The following UNC13C variants were observed in gnomAD, a reference collection of about 807,000 sequenced individuals.
UNC13C encodes unc-13 homolog C.
UNC13C carries 174 observed loss-of-function variants against 245.4 expected under a neutral mutation model. The observed-to-expected ratio is 0.71, with a 90% CI of 0.63 to 0.80. The LOEUF (loss-of-function observed/expected upper bound fraction) is 0.80, where lower values mean the gene tolerates loss of function less well. UNC13C is among the 30% of genes least tolerant of loss of function. The probability of loss-of-function intolerance (pLI) is 0.00; values close to 1 mark genes in which losing one functional copy is unlikely to be tolerated. For synonymous variants in UNC13C, 992 were observed against 895.1 expected (o/e 1.11, Z -1.93); for missense variants, 2,829 against 2,602.9 (o/e 1.09, Z -1.89).
chr15:54,124,163 A>G (rs149644106), intron 2 of UNC13C, among the ~76,000 whole-genome samples: 32 of 152,302 alleles, frequency 2.1e-4, no homozygotes, highest in African/African-American at 7.5e-4. Flanking sequence ...GATTAATCAT[A>G]TGTAGATTTT....
chr15:53,910,202 T>G, the UNC13C span, among the ~76,000 whole-genome samples: 1 of 145,434 alleles, frequency 6.9e-6, no homozygotes, highest in Non-Finnish European at 1.5e-5. Flanking sequence ...CAAACATATG[T>G]AACACTTAAA....
chr15:54,594,597 A>G (rs1042556658), intron 30 of UNC13C, among the ~76,000 whole-genome samples: 1 of 152,058 alleles, frequency 6.6e-6, no homozygotes, highest in African/African-American at 2.4e-5. Context: ...GCAGGTTGTC[A>G]GGGAAGTGGG....
intron 2 of UNC13C, among the ~76,000 whole-genome samples, chr15:54,058,507 C>T (rs1164212304): frequency 1.3e-5 from 2 of 152,072 alleles, no homozygotes; most frequent in Non-Finnish European, 2.9e-5. Flanking sequence ...ACCAGATGGA[C>T]TCACAGCCGA....
chr15:53,971,186 C>G, the UNC13C span, among the ~76,000 whole-genome samples: 5 of 152,202 alleles, frequency 3.3e-5, no homozygotes, highest in African/African-American at 1.2e-4. Flanking sequence ...GTTGGCAAAC[C>G]ACACAATGGA....
At chr15:54,527,370 T>C (rs57375856) in intron 25 of UNC13C, among the ~76,000 whole-genome samples, 4,519 of 152,164 alleles carry the variant, frequency 0.03, 223 homozygotes, top group African/African-American at 0.1. Context: ...TTAGAGACTA[T>C]TTAGCAAAGT....
chr15:54,094,923 T>G (rs1899772040), intron 2 of UNC13C, among the ~76,000 whole-genome samples: 1 of 152,132 alleles, frequency 6.6e-6, no homozygotes, highest in Non-Finnish European at 1.5e-5. Context: ...TAACTGCAAT[T>G]CTCCCTTATC....
chr15:54,175,092 C>T (rs376627889), intron 4 of UNC13C, among the ~76,000 whole-genome samples: 18 of 152,252 alleles, frequency 1.2e-4, no homozygotes, highest in Admixed American at 9.8e-4. Flanking sequence ...ATTCCCCAGC[C>T]TTTGGCTACA....
At chr15:54,607,068 C>A (rs1899806592) in intron 30 of UNC13C, among the ~76,000 whole-genome samples, 1 of 152,080 alleles carries the variant, frequency 6.6e-6, no homozygotes, top group Non-Finnish European at 1.5e-5. Context: ...AGCTTCAAAT[C>A]TTAAATTTAG....
chr15:54,585,463 G>A (rs560683606), intron 30 of UNC13C, among the ~76,000 whole-genome samples: 1 of 152,170 alleles, frequency 6.6e-6, no homozygotes, highest in East Asian at 1.9e-4. Context: ...ACAACTATGA[G>A]TCAAATAACC....
chr15:54,015,530 C>T lies in UNC13C; in HGVS notation c.2627C>T (p.Thr876Ile), dbSNP rs751618334. 1 of 1,613,086 alleles carries T rather than the reference C, an allele frequency of 6.2e-7. No homozygotes were observed. The highest frequency in any genetic ancestry group is 8.5e-7 in the Non-Finnish European group (1 of 1,179,322). Residue 876 changes from threonine (T) to isoleucine (I), a missense_variant, in exon 2 of 33, where the codon ACA (threonine) becomes ATA (isoleucine). Transcript: ENST00000260323. ...DYTEPVADNE[T>I]DYVEVMEQVL... The stretch of plus-strand genomic sequence containing the variant: ...ACTGAACCAGTGGCTGACAATGAAA[C>T]AGATTATGTTGAAGTCATGGAACAA...
intron 4 of UNC13C, among the ~76,000 whole-genome samples, chr15:54,233,543 TTTA>T (rs1482615045): frequency 1.3e-5 from 2 of 152,228 alleles, no homozygotes; most frequent in Non-Finnish European, 2.9e-5. Context: ...TCATTTTATC[TTTA>T]TTACTACTTT....
chr15:54,551,125 G>T (rs1177226977), intron 28 of UNC13C, among the ~76,000 whole-genome samples: 1 of 152,028 alleles, frequency 6.6e-6, no homozygotes, highest in Admixed American at 6.6e-5. Flanking sequence ...CTTGATTAGG[G>T]ATTCAAACAA....
chr15:54,102,824 G>A (rs977160643), intron 2 of UNC13C, among the ~76,000 whole-genome samples: 2 of 152,250 alleles, frequency 1.3e-5, no homozygotes, highest in African/African-American at 4.8e-5. Context: ...TTGTCTCATG[G>A]GGATAAAAAG....
intron 17 of UNC13C, among the ~76,000 whole-genome samples, chr15:54,364,565 C>T (rs1329045350): frequency 6.6e-6 from 1 of 152,112 alleles, no homozygotes; most frequent in Non-Finnish European, 1.5e-5. Flanking sequence ...TGGAAACTGA[C>T]TGAGCTGATG....
the UNC13C span, among the ~76,000 whole-genome samples, chr15:53,949,487 A>G: frequency 2.0e-5 from 3 of 152,252 alleles, no homozygotes; most frequent in Admixed American, 2.0e-4. Context: ...TAATTTCTCA[A>G]AGATTTGACT....
chr15:54,352,353 T>TAG lies in UNC13C; in HGVS notation c.4713+13877_4713+13878dup, dbSNP rs58227062. ...AATTATATAAATGTATATATATATA[T>TAG]AGAGAGAGAGAGAGTGAGTCAGGTT... On this transcript the variant is annotated intron_variant, in intron 17 of 32. Transcript: ENST00000260323. Among the ~76,000 whole-genome samples, 388 of 133,542 alleles carry TAG rather than the reference T, an allele frequency of 2.9e-3. 8 individuals carry two copies. In the East Asian group the frequency reaches 0.044, roughly 15 times the overall value. The allele number at this position is 133,542 out of a possible 152,430, so 87.6% of individuals were successfully genotyped here.
the UNC13C span, among the ~76,000 whole-genome samples, chr15:53,934,501 T>G: frequency 6.6e-6 from 1 of 152,298 alleles, no homozygotes; most frequent in African/African-American, 2.4e-5. Context: ...AATCAGAAGG[T>G]AAAGCCAAGT....
At chr15:53,949,731 AT>A in the UNC13C span, among the ~76,000 whole-genome samples, 3 of 152,186 alleles carry the variant, frequency 2.0e-5, no homozygotes, top group Admixed American at 1.3e-4. Flanking sequence ...AAAAATGCAG[AT>A]TCCTGGAACT....
intron 10 of UNC13C, among the ~76,000 whole-genome samples, chr15:54,265,708 T>C (rs1390000685): frequency 6.6e-6 from 1 of 151,994 alleles, no homozygotes; most frequent in African/African-American, 2.4e-5. Flanking sequence ...ATAAGAAGAA[T>C]ACTTCAAATC....
Sources: gnomAD v4.1 joint callset for allele counts (sites outside exome capture counted in the v4.1 genomes callset) on GRCh38, gnomAD v4.1.1 for gene constraint, MANE v1.5 for transcripts, NCBI Gene and HGNC (gene_info 2026-07-23, HGNC 2026-07-21) for gene names.